TTC21B: variants seen among roughly 807,000 people sequenced by gnomAD.
The protein encoded by TTC21B is tetratricopeptide repeat protein 21B.
In TTC21B, 127 loss-of-function variants were observed where a neutral mutation model predicts 175.1. The ratio of observed to expected loss-of-function variants is 0.73; its 90% CI spans 0.63 to 0.84. The LOEUF (loss-of-function observed/expected upper bound fraction) is 0.84. Among genes scored for constraint, TTC21B ranks in the 40% least tolerant of loss-of-function variants. TTC21B has a pLI of 0.00. For missense variants in TTC21B, 1,561 were observed against 1,558.3 expected, an observed-to-expected ratio of 1.00 and a Z score of -0.03; for synonymous variants, 524 against 524.5, an observed-to-expected ratio of 1.00 and a Z score of 0.01.
intron 6 of TTC21B, among the ~76,000 whole-genome samples, chr2:165,935,576 T>TAA (rs560114814): frequency 6.6e-6 from 1 of 151,790 alleles, no homozygotes; most frequent in African/African-American, 2.4e-5. Flanking sequence ...AAGAATCAAT[T>TAA]AAAAAAAACT....
At chr2:165,934,517 A>AAAAAAAAAAAAAAAG (rs1553514802) in intron 6 of TTC21B, among the ~76,000 whole-genome samples, 4 of 116,524 alleles carry the variant, frequency 3.4e-5, no homozygotes, top group African/African-American at 1.3e-4. Context: ...AAAAAAAAAA[A>AAAAAAAAAAAAAAAG]AAAAGAAAAG....
chr2:165,890,690 T>C, intron 23 of TTC21B, 50 bp from the exon 24 acceptor site: 2 of 1,573,016 alleles, frequency 1.3e-6, no homozygotes, highest in African/African-American at 1.4e-5. Flanking sequence ...GACTACAAAA[T>C]TTATATTAGT....
At chr2:165,941,992 A>G (rs1687385182) in intron 5 of TTC21B, among the ~76,000 whole-genome samples, 1 of 152,234 alleles carries the variant, frequency 6.6e-6, no homozygotes, top group Admixed American at 6.5e-5. Context: ...AAATAAAGCT[A>G]TAAATATAGT....
At chr2:165,876,144 A>C in intron 28 of TTC21B, 21 bp downstream of exon 28, 1 of 1,512,298 alleles carries the variant, frequency 6.6e-7, no homozygotes. Flanking sequence ...AATTTTAAGA[A>C]ATCTAAATTT....
intron 27 of TTC21B, among the ~76,000 whole-genome samples, chr2:165,876,931 T>C (rs546848685): frequency 1.3e-5 from 2 of 152,164 alleles, no homozygotes; most frequent in African/African-American, 4.8e-5. Context: ...ACAGAGCACA[T>C]AGGAGAGCGA....
intron 12 of TTC21B, among the ~76,000 whole-genome samples, chr2:165,922,722 C>T (rs1441253682): frequency 6.6e-6 from 1 of 152,008 alleles, no homozygotes; most frequent in Non-Finnish European, 1.5e-5. Flanking sequence ...ATCCAGAAAT[C>T]CCACTACTAG....
chr2:165,937,771 C>CCACACACCA lies in TTC21B; in HGVS notation c.710+3255_710+3256insTGGTGTGTG, dbSNP rs1205195669. 3.2e-3 allele frequency among the ~76,000 whole-genome samples: 410 copies of CCACACACCA among 127,638 alleles called. 2 individuals carry two copies. Among genetic ancestry groups the CCACACACCA allele is most frequent in the African/African-American group, 0.012 (395 of 33,776 alleles). The allele number at this position is 127,638 out of a possible 152,430, so 83.7% of individuals were successfully genotyped here. ...TACATATTTTTAAAATATATAGAAA[C>CCACACACCA]CACACACACACACACACACACACAC... On this transcript the variant is annotated intron_variant, in intron 6 of 28. Coordinates refer to ENST00000243344, the MANE Select transcript of TTC21B (RefSeq NM_024753.5).
At chr2:165,932,931 ATTT>A (rs1265364977) in intron 7 of TTC21B, 39 bp downstream of exon 7, 1 of 1,539,276 alleles carries the variant, frequency 6.5e-7, no homozygotes, top group East Asian at 2.3e-5. Context: ...AATGAAATAT[ATTT>A]TTTAATATAG....
intron 15 of TTC21B, among the ~76,000 whole-genome samples, chr2:165,914,680 T>TGTGTGTACGTGCGCGCGCGCGC (rs1553511370): frequency 2.1e-5 from 3 of 144,164 alleles, no homozygotes; most frequent in African/African-American, 8.2e-5. Flanking sequence ...TGTGTGTGTG[T>TGTGTGTACGTGCGCGCGCGCGC]GTGTGTGTGT....
chr2:165,911,180 G>T lies in TTC21B; in HGVS notation c.2461+147C>A. On this transcript the variant is annotated intron_variant, in intron 18 of 28. Coordinates refer to ENST00000243344, the MANE Select transcript of TTC21B (RefSeq NM_024753.5). ...TCAAAATATCACATTTTAGTAGAGT[G>T]GCATTCTGATAAAAGAAAAAATACG... is the stretch of plus-strand genomic sequence containing the variant. 4.4e-6 allele frequency: 4 copies of T among 900,522 alleles called. 1 individual carries two copies. The highest frequency in any genetic ancestry group is 5.2e-6 in the Non-Finnish European group (3 of 575,644). 55.8% of individuals were successfully genotyped at this position (900,522 alleles called of 1,614,324 possible).
intron 1 of TTC21B, among the ~76,000 whole-genome samples, chr2:165,951,813 G>C (rs1687770898): frequency 6.6e-6 from 1 of 152,164 alleles, no homozygotes; most frequent in South Asian, 2.1e-4. Context: ...ATATAATGTA[G>C]TAAATGTAAG....
intron 19 of TTC21B, among the ~76,000 whole-genome samples, chr2:165,904,408 T>G (rs1228879741): frequency 1.3e-5 from 2 of 152,228 alleles, no homozygotes; most frequent in African/African-American, 2.4e-5. Context: ...AAAAAAATTT[T>G]GGGACTGTCT....
At position 165,890,561 on chromosome 2, in the gene TTC21B, A is replaced by G; in HGVS notation, c.3181T>C (p.Tyr1061His). Reference sequence around the variant, plus strand: ...TTCAAACAGATCTCTATCATATTATAAAGGGCATTTTGGCCCCAGTCACGA... The same window carrying G: ...TTCAAACAGATCTCTATCATATTATGAAGGGCATTTTGGCCCCAGTCACGA... ...KDRDWGQNAL[Y>H]NMIEICLNPD... The change falls in exon 24 of 29, where the codon TAT (tyrosine) becomes CAT (histidine). Residue 1061 changes from tyrosine (Y) to histidine (H), a missense_variant. Transcript: ENST00000243344. The G allele has an allele frequency of 6.2e-7, 1 of 1,613,766 alleles. No individual in the cohort carries two copies. The highest frequency in any genetic ancestry group is 8.5e-7 in the Non-Finnish European group (1 of 1,179,778).
Position 165,874,662 on chromosome 2 carries a change from A to G in TTC21B, c.*93T>C. 3 of 1,133,918 alleles carry G rather than the reference A, an allele frequency of 2.6e-6. No individual in the cohort carries two copies. Among genetic ancestry groups the G allele is most frequent in the East Asian group, 4.8e-5 (2 of 41,926 alleles). The allele number at this position is 1,133,918 out of a possible 1,614,324, so 70.2% of individuals were successfully genotyped here. A position where few individuals can be genotyped will look rare whatever the true frequency, so the allele number is the denominator to read the frequency against. ...AAAAAAGGGTATACTTCTAATAACA[A>G]AGCACTGAGCTCAAACCTGTTTTGA... On this transcript the variant is annotated 3_prime_UTR_variant, in exon 29 of 29. Transcript: ENST00000243344.
In TTC21B at chr2:165,919,377, A is replaced by G. The variant is rs377009251; in HGVS notation, c.1573T>C (p.Tyr525His). Residue 525 changes from tyrosine to histidine, a missense_variant, in exon 13 of 29, where the codon TAT (tyrosine) becomes CAT (histidine). Transcript: ENST00000243344. The part of the protein sequence containing the change: ...LQHCLEHNPS[Y>H]ADAHLLLAQV... ...GCTAGCAGCAGATGAGCATCAGCAT[A>G]AGAGGGATTGTGTTCTAAGCAGTGC... 2.9e-5 allele frequency: 47 copies of G among 1,614,012 alleles called. No homozygotes were observed. Among genetic ancestry groups the G allele is most frequent in the Non-Finnish European group, 3.4e-5 (40 of 1,180,004 alleles).
chr2:165,933,024 T>C lies in TTC21B; in HGVS notation c.744A>G (p.Ala248=), dbSNP rs771133970. The change falls in exon 7 of 29, where the codon GCA becomes GCG. Residue 248 remains alanine, a synonymous_variant. Coordinates refer to ENST00000243344, the MANE Select transcript of TTC21B (RefSeq NM_024753.5). ...LLLQDSQNVE[A]LRMQALYYVC... ...CATAGTAGAGTGCCTGCATTCTCAG[T>C]GCTTCCACATTTTGGCTATCTTGGA... is the stretch of plus-strand genomic sequence containing the variant. 3 of 1,612,992 alleles carry C rather than the reference T, an allele frequency of 1.9e-6. No homozygotes were observed. In the East Asian group the frequency reaches 6.7e-5, roughly 36 times the overall value.
At chr2:165,931,945 T>C (rs1686926066) in intron 7 of TTC21B, 89 bp from the exon 8 acceptor site, 2 of 843,416 alleles carry the variant, frequency 2.4e-6, no homozygotes, top group Admixed American at 2.0e-5. Context: ...AGCATTACCC[T>C]ACTAGTATTT....
At chr2:165,901,583 A>G in intron 20 of TTC21B, 139 bp downstream of exon 20, 1 of 811,482 alleles carries the variant, frequency 1.2e-6, no homozygotes, top group Non-Finnish European at 2.0e-6. Flanking sequence ...TTGGCCTCCC[A>G]AAGGGCTGGG....
At chr2:165,908,012 A>G (rs114642684) in intron 18 of TTC21B, among the ~76,000 whole-genome samples, 174 of 152,324 alleles carry the variant, frequency 1.1e-3, no homozygotes, top group African/African-American at 4.0e-3. Flanking sequence ...GTTAACAACT[A>G]GAGGCTTTTC....
Sources: gnomAD v4.1 joint callset for allele counts (sites outside exome capture counted in the v4.1 genomes callset) on GRCh38, gnomAD v4.1.1 for gene constraint, MANE v1.5 for transcripts, NCBI Gene and HGNC (gene_info 2026-07-23, HGNC 2026-07-21) for gene names.